The following PLXNA1 variants were observed in gnomAD, a reference collection of about 807,000 sequenced individuals.
PLXNA1 encodes the protein plexin-A1.
Under a neutral mutation model 191.7 loss-of-function variants are expected in PLXNA1, and 77 were observed. The ratio of observed to expected loss-of-function variants is 0.40; its 90% confidence interval spans 0.33 to 0.49. PLXNA1 has a LOEUF of 0.49. Ranked by LOEUF, PLXNA1 falls within the 20% of genes least tolerant of loss-of-function variation. The pLI, the probability that PLXNA1 is intolerant of heterozygous loss-of-function variation, is 0.63. For missense variants in PLXNA1, 2,110 were observed against 2,660.2 expected (o/e 0.79, Z 4.55); for synonymous variants, 1,137 against 1,156.4 (o/e 0.98, Z 0.34).
chr3:127,024,047 C>A (rs1226447139), intron 23 of PLXNA1, among the ~76,000 whole-genome samples: 4 of 152,176 alleles, frequency 2.6e-5, no homozygotes, highest in Non-Finnish European at 5.9e-5. Flanking sequence ...AACACAAAGT[C>A]GTGCGTGTCC....
chr3:127,031,269 T>A (rs1038778635), intron 29 of PLXNA1, among the ~76,000 whole-genome samples: 8 of 152,118 alleles, frequency 5.3e-5, no homozygotes, highest in African/African-American at 1.9e-4. Context: ...CTGGAGCGGG[T>A]CCCTGCTGTG....
intron 1 of PLXNA1, among the ~76,000 whole-genome samples, chr3:126,983,693 G>A (rs552006959): frequency 6.6e-6 from 1 of 151,442 alleles, no homozygotes; most frequent in East Asian, 1.9e-4. Flanking sequence ...ACGGAGGCTG[G>A]GGAGAAAGTT....
chr3:126,989,163 C>T lies in PLXNA1; in HGVS notation c.570C>T (p.Pro190=), dbSNP rs1486257635. 6.2e-7 allele frequency: 1 copy of T among 1,613,446 alleles called. No homozygotes were observed. Among genetic ancestry groups the T allele is most frequent in the South Asian group, 1.1e-5 (1 of 91,086 alleles). Residue 190 remains proline (P), a synonymous_variant, in exon 2 of 32, where the codon CCC becomes CCT. Transcript: ENST00000393409. The part of the protein sequence containing the change: ...QGQAKLFVGT[P]IDGKSEYFPT... ...AGGCCAAGCTCTTCGTGGGCACACCCATCGATGGCAAGTCCGAGTACTTCC... is the reference window on the plus strand; with the variant it reads ...AGGCCAAGCTCTTCGTGGGCACACCTATCGATGGCAAGTCCGAGTACTTCC...
Position 127,017,052 on chromosome 3 carries a change from T to C in PLXNA1, c.3276+15T>C, listed in dbSNP as rs1478672374. On this transcript the variant is annotated intron_variant, in intron 17 of 31. Transcript: ENST00000393409. ...AGAGGGAGAACGTGAGTCCCTGCCC[T>C]CAGCTGCCCACCTCGGTCCAGGCCT... 1.2e-6 allele frequency: 2 copies of C among 1,607,132 alleles called. No homozygotes were observed. Among genetic ancestry groups the C allele is most frequent in the South Asian group, 2.2e-5 (2 of 90,794 alleles).
chr3:127,011,144 C>G (rs1326165773), intron 9 of PLXNA1, among the ~76,000 whole-genome samples: 1 of 152,244 alleles, frequency 6.6e-6, no homozygotes, highest in Non-Finnish European at 1.5e-5. Context: ...CCGGCTGCAG[C>G]TGTTCTGGGA....
chr3:127,000,843 C>T (rs2079036736), intron 3 of PLXNA1, among the ~76,000 whole-genome samples: 1 of 152,176 alleles, frequency 6.6e-6, no homozygotes, highest in African/African-American at 2.4e-5. Context: ...CCTGCACCTG[C>T]GTCACATCCA....
At chr3:126,997,846 C>T (rs1038726452) in intron 3 of PLXNA1, among the ~76,000 whole-genome samples, 5 of 152,244 alleles carry the variant, frequency 3.3e-5, no homozygotes, top group Admixed American at 6.5e-5. Context: ...AGCCAGGGCA[C>T]GGGCCCGTCA....
At chr3:126,993,901 T>A (rs563219246) in intron 3 of PLXNA1, among the ~76,000 whole-genome samples, 1 of 152,180 alleles carries the variant, frequency 6.6e-6, no homozygotes, top group East Asian at 1.9e-4. Flanking sequence ...CCGTGCAGGG[T>A]TTTTGAACCT....
At chr3:127,006,266 C>T in intron 8 of PLXNA1, 88 bp downstream of exon 8, 1 of 995,996 alleles carries the variant, frequency 1.0e-6, no homozygotes, top group South Asian at 1.3e-5. Context: ...TTGCTGTCTG[C>T]AGACCTGTCC....
chr3:127,017,490 C>T lies in PLXNA1; in HGVS notation c.3342C>T (p.Arg1114=). ...CCCCGTCTGTGGCCAACCCTGTGCG[C>T]AGCCCACCAGAGCTGGGGGAGCGGC... is the stretch of plus-strand genomic sequence containing the variant. ...CRAPSVANPV[R]SPPELGERPD... is the part of the protein sequence containing the mutation. The change falls in exon 18 of 32, where the codon CGC becomes CGT. Residue 1114 remains arginine, a synonymous_variant. Coordinates refer to ENST00000393409, the MANE Select transcript of PLXNA1 (RefSeq NM_032242.4). 1.9e-6 allele frequency: 3 copies of T among 1,613,558 alleles called. No individual in the cohort carries two copies. The highest frequency in any genetic ancestry group is 2.5e-6 in the Non-Finnish European group (3 of 1,180,010).
chr3:126,994,759 G>C (rs1032762728), intron 3 of PLXNA1, among the ~76,000 whole-genome samples: 6 of 152,252 alleles, frequency 3.9e-5, no homozygotes, highest in Middle Eastern at 6.8e-3. Context: ...AGGGTCCAGA[G>C]CCAGGGTAAG....
chr3:127,003,423 G>A lies in PLXNA1; in HGVS notation c.1471G>A (p.Val491Ile), dbSNP rs148689550. The A allele has an allele frequency of 5.6e-5, 91 of 1,612,326 alleles. No homozygotes were observed. In the East Asian group the frequency reaches 1.3e-3, roughly 23 times the overall value. Residue 491 changes from valine to isoleucine, a missense_variant, in exon 4 of 32, where the codon GTC (valine) becomes ATC (isoleucine). Val to Ile is a conservative substitution (Grantham distance 29). Around this residue, in one of 4 missense-constraint regions of PLXNA1, gnomAD observed 903 missense variants for 1,015.7 expected, o/e 0.89. Coordinates refer to ENST00000393409, the MANE Select transcript of PLXNA1 (RefSeq NM_032242.4). ...GGGCAGCCCCATCCTGCGAGACCTC[G>A]TCCTCAGCCCCAACCACCAGTACCT... ...QEGSPILRDL[V>I]LSPNHQYLYA...
At chr3:127,029,334 C>A in intron 26 of PLXNA1, 106 bp from the exon 27 acceptor site, 2 of 1,085,410 alleles carry the variant, frequency 1.8e-6, no homozygotes, top group Non-Finnish European at 2.8e-6. Flanking sequence ...TGGCTGCCTC[C>A]AGGCACAGCA....
In PLXNA1 at chr3:127,029,048, C is replaced by G. The variant is rs910904744; in HGVS notation, c.4725C>G (p.Thr1575=). 3.1e-6 allele frequency: 5 copies of G among 1,613,816 alleles called. No homozygotes were observed. Among genetic ancestry groups the G allele is most frequent in the Non-Finnish European group, 4.2e-6 (5 of 1,179,938 alleles). The change falls in exon 26 of 32, where the codon ACC becomes ACG. Residue 1575 remains threonine, a synonymous_variant. Coordinates refer to ENST00000393409, the MANE Select transcript of PLXNA1 (RefSeq NM_032242.4). ...TCCTGCAGGACGAGGACGTCACCACCAAGATTGACAACGATTGGAAGAGGC... is the reference window on the plus strand; with the variant it reads ...TCCTGCAGGACGAGGACGTCACCACGAAGATTGACAACGATTGGAAGAGGC... ...RIILQDEDVT[T]KIDNDWKRLN...
intron 9 of PLXNA1, among the ~76,000 whole-genome samples, chr3:127,009,550 T>TCCCCCCCCCCCCC (rs145969147): frequency 4.3e-5 from 6 of 139,658 alleles, no homozygotes; most frequent in Non-Finnish European, 7.7e-5. Context: ...CCAGTGGCAG[T>TCCCCCCCCCCCCC]CCCCCCCCAA....
chr3:127,027,290 G>A (rs1030910379), intron 23 of PLXNA1: 17 of 252,480 alleles, frequency 6.7e-5, no homozygotes, highest in Admixed American at 5.1e-4. Flanking sequence ...TCAGGTGCCC[G>A]CTGAGGGCCC....
At chr3:127,006,535 T>C (rs1337112813) in intron 8 of PLXNA1, among the ~76,000 whole-genome samples, 2 of 152,126 alleles carry the variant, frequency 1.3e-5, no homozygotes, top group Non-Finnish European at 2.9e-5. Flanking sequence ...CATTGTGCAA[T>C]GTTGCCACCG....
chr3:126,987,939 A>G (rs948990643), intron 1 of PLXNA1, among the ~76,000 whole-genome samples: 3 of 151,972 alleles, frequency 2.0e-5, no homozygotes, highest in African/African-American at 7.2e-5. Flanking sequence ...CTGGGCCTCC[A>G]TGTCCTCCGT....
chr3:127,012,163 G>T lies in PLXNA1; in HGVS notation c.2313+5G>T. 1.9e-6 allele frequency: 3 copies of T among 1,610,114 alleles called. No individual in the cohort carries two copies. The highest frequency in any genetic ancestry group is 2.5e-6 in the Non-Finnish European group (3 of 1,178,726). ...CTGCAGTGCCAGAATTCCTCGGTGA[G>T]GTGGCCAGGGCAGGGGCTGGGGGCC... On this transcript the variant is annotated splice_donor_5th_base_variant and intron_variant, in intron 10 of 31. Transcript: ENST00000393409.
Sources: allele counts gnomAD v4.1 joint callset (sites outside exome capture counted in the v4.1 genomes callset), GRCh38; gene constraint gnomAD v4.1.1; regional missense constraint gnomAD v4.1.1; transcripts MANE v1.5; gene names NCBI Gene and HGNC (gene_info 2026-07-23, HGNC 2026-07-21).